RNPEP: variants seen among roughly 807,000 people sequenced by gnomAD.
RNPEP encodes aminopeptidase B.
In RNPEP, 57 loss-of-function variants were observed where a neutral mutation model predicts 70.1. That is an observed-to-expected ratio of 0.81 (90% CI 0.66 to 1.01). The LOEUF (loss-of-function observed/expected upper bound fraction) is 1.01, where lower values mean the gene tolerates loss of function less well. Ranked by LOEUF, RNPEP falls within the 50% of genes least tolerant of loss-of-function variation. The pLI is 0.00. For missense variants in RNPEP, 787 were observed against 852.4 expected, an observed-to-expected ratio of 0.92 and a Z score of 0.96; for synonymous variants, 335 against 357.4, an observed-to-expected ratio of 0.94 and a Z score of 0.71.
intron 1 of RNPEP, among the ~76,000 whole-genome samples, chr1:201,988,381 C>T (rs574409246): frequency 4.8e-4 from 71 of 146,830 alleles, no homozygotes; most frequent in African/African-American, 1.7e-3. Flanking sequence ...TTGCTTGAAC[C>T]TGGGAGGTCG....
intron 1 of RNPEP, among the ~76,000 whole-genome samples, chr1:201,986,137 C>T (rs1683123982): frequency 1.3e-5 from 2 of 152,180 alleles, no homozygotes; most frequent in Admixed American, 6.5e-5. Flanking sequence ...ACTGTGTTAT[C>T]CAGGCTTGTC....
chr1:201,999,811 A>G, intron 5 of RNPEP, 91 bp from the exon 6 acceptor site: 1 of 981,362 alleles, frequency 1.0e-6, no homozygotes, highest in Middle Eastern at 3.0e-4. Flanking sequence ...TCTTGAGGCC[A>G]CAAGGAGGCA....
intron 3 of RNPEP, chr1:201,995,904 A>G (rs1166277611): frequency 2.1e-6 from 1 of 472,026 alleles, no homozygotes; most frequent in Non-Finnish European, 3.8e-6. Flanking sequence ...CGCATTCAGT[A>G]GTGAAGCCAT....
chr1:202,004,593 C>A, intron 10 of RNPEP, 97 bp downstream of exon 10: 1 of 1,451,316 alleles, frequency 6.9e-7, no homozygotes, highest in Non-Finnish European at 9.4e-7. Flanking sequence ...TAGGACTCAT[C>A]TGAGGCACAG....
Position 202,003,247 on chromosome 1 carries a change from T to C in RNPEP, c.1437T>C (p.Phe479=), listed in dbSNP as rs1472572751. 2 of 1,611,298 alleles carry C rather than the reference T, an allele frequency of 1.2e-6. No individual in the cohort carries two copies. Among genetic ancestry groups the C allele is most frequent in the South Asian group, 1.1e-5 (1 of 90,880 alleles). Residue 479 remains phenylalanine, a synonymous_variant, in exon 9 of 11, where the codon TTT becomes TTC. Transcript: ENST00000295640. ...TCTCCTCCCAAACAGGTTTTGAGTTTGATCGATGGCTGAATACCCCCGGCT... is the reference window on the plus strand; with the variant it reads ...TCTCCTCCCAAACAGGTTTTGAGTTCGATCGATGGCTGAATACCCCCGGCT... ...KRVDIIPGFE[F]DRWLNTPGWP...
intron 1 of RNPEP, among the ~76,000 whole-genome samples, chr1:201,984,821 C>CTTTTTTTTTTTTTTTTTTTTTTTTTTTTT (rs200795347): frequency 8.2e-6 from 1 of 121,998 alleles, no homozygotes; most frequent in Non-Finnish European, 1.7e-5. Context: ...GTATTTCTTT[C>CTTTTTTTTTTTTTTTTTTTTTTTTTTTTT]TTTTTTTTTT....
At chr1:201,994,940 G>A (rs796560607) in intron 3 of RNPEP, among the ~76,000 whole-genome samples, 12 of 145,106 alleles carry the variant, frequency 8.3e-5, no homozygotes, top group Middle Eastern at 3.9e-3. Flanking sequence ...TCGGCCTACC[G>A]AAGTACTGGG....
intron 2 of RNPEP, 59 bp from the exon 3 acceptor site, chr1:201,989,324 A>C (rs769608774): frequency 1.4e-5 from 23 of 1,587,780 alleles, no homozygotes; most frequent in Non-Finnish European, 1.9e-5. Context: ...GCTCTTATTC[A>C]AACTAATCAA....
chr1:201,994,996 C>A (rs977758485), intron 3 of RNPEP, among the ~76,000 whole-genome samples: 1 of 152,088 alleles, frequency 6.6e-6, no homozygotes, highest in Non-Finnish European at 1.5e-5. Context: ...ATTCATATGT[C>A]TGTGTGGAAA....
At chr1:201,993,230 ATCTC>A (rs1452075896) in intron 3 of RNPEP, among the ~76,000 whole-genome samples, 1 of 152,256 alleles carries the variant, frequency 6.6e-6, no homozygotes, top group African/African-American at 2.4e-5. Flanking sequence ...CATCATTTAC[ATCTC>A]TCTCTTCAAA....
At chr1:201,994,762 G>T (rs565728270) in intron 3 of RNPEP, among the ~76,000 whole-genome samples, 62 of 150,120 alleles carry the variant, frequency 4.1e-4, no homozygotes, top group Middle Eastern at 3.4e-3. Flanking sequence ...TGCCACCCAG[G>T]TTCAAGCGAT....
At chr1:201,987,448 T>G (rs904133568) in intron 1 of RNPEP, among the ~76,000 whole-genome samples, 2 of 54,524 alleles carry the variant, frequency 3.7e-5, no homozygotes, top group African/African-American at 1.3e-4. Context: ...TTTTTTTTTT[T>G]TTTTTTTGAG....
chr1:201,989,191 C>T (rs1683235903), intron 2 of RNPEP, 147 bp downstream of exon 2: 1 of 1,257,876 alleles, frequency 7.9e-7, no homozygotes, highest in Non-Finnish European at 1.1e-6. Context: ...CTTCCACCTA[C>T]TGAAGTTGTA....
chr1:201,999,887 T>C lies in RNPEP; in HGVS notation c.1091-15T>C. 6.2e-7 allele frequency: 1 copy of C among 1,607,082 alleles called. No individual in the cohort carries two copies. The highest frequency in any genetic ancestry group is 8.5e-7 in the Non-Finnish European group (1 of 1,175,534). ...ACAGACGTTTTCCCGAGGCTTACGT[T>C]TGATTCTGCACCAGGCGCTGCGTAC... On this transcript the variant is annotated splice_polypyrimidine_tract_variant and intron_variant, in intron 5 of 10. Coordinates refer to ENST00000295640, the MANE Select transcript of RNPEP (RefSeq NM_020216.4).
At chr1:201,994,088 T>C (rs1343269071) in intron 3 of RNPEP, among the ~76,000 whole-genome samples, 1 of 152,164 alleles carries the variant, frequency 6.6e-6, no homozygotes, top group Non-Finnish European at 1.5e-5. Flanking sequence ...CTCCTCTGGC[T>C]TCTGTGACAC....
At chr1:201,990,771 C>G (rs1360843973) in intron 3 of RNPEP, among the ~76,000 whole-genome samples, 3 of 152,206 alleles carry the variant, frequency 2.0e-5, no homozygotes, top group African/African-American at 7.2e-5. Flanking sequence ...CCTCCTCTTA[C>G]GAAGGGCTGT....
chr1:201,991,811 T>G (rs1314805081), intron 3 of RNPEP, among the ~76,000 whole-genome samples: 1 of 152,110 alleles, frequency 6.6e-6, no homozygotes, highest in Non-Finnish European at 1.5e-5. Context: ...AACCTTCTAG[T>G]TGTAACAAGC....
intron 3 of RNPEP, among the ~76,000 whole-genome samples, chr1:201,990,191 T>C (rs985841634): frequency 1.3e-5 from 2 of 152,214 alleles, no homozygotes; most frequent in African/African-American, 4.8e-5. Flanking sequence ...AATGCCCTTC[T>C]AGCAGCTATA....
At chr1:202,004,233 G>A in intron 9 of RNPEP, 121 bp from the exon 10 acceptor site, 1 of 1,079,686 alleles carries the variant, frequency 9.3e-7, no homozygotes, top group Non-Finnish European at 1.3e-6. Flanking sequence ...TCGCCATATT[G>A]GCCAGGCTGG....
Sources: gnomAD v4.1 joint callset for allele counts (sites outside exome capture counted in the v4.1 genomes callset) on GRCh38, gnomAD v4.1.1 for gene constraint, MANE v1.5 for transcripts, NCBI Gene and HGNC (gene_info 2026-07-23, HGNC 2026-07-21) for gene names.